LCP1: variants seen among roughly 807,000 people sequenced by gnomAD.
LCP1 encodes the protein plastin-2.
Under a neutral mutation model 72.0 loss-of-function variants are expected in LCP1, and 23 were observed. The ratio of observed to expected loss-of-function variants is 0.32; its 90% CI spans 0.23 to 0.45. The LOEUF is 0.45. Among genes scored for constraint, LCP1 ranks in the 20% least tolerant of loss-of-function variants. The pLI is 1.00. For missense variants in LCP1, 571 were observed against 748.3 expected (o/e 0.76, Z 2.76); for synonymous variants, 245 against 275.4 (o/e 0.89, Z 1.09).
chr13:46,179,355 C>T (rs190211889), intron 1 of LCP1, among the ~76,000 whole-genome samples: 77 of 152,056 alleles, frequency 5.1e-4, no homozygotes, highest in Non-Finnish European at 9.7e-4. Context: ...GTCTTTCATG[C>T]GTATGTAAGA....
At chr13:46,163,044 G>A (rs1399427766) in intron 1 of LCP1, among the ~76,000 whole-genome samples, 3 of 141,828 alleles carry the variant, frequency 2.1e-5, no homozygotes. Context: ...CAGCCGCCCC[G>A]TCCGGGAGGG....
At chr13:46,164,270 C>T (rs1376684676) in intron 1 of LCP1, among the ~76,000 whole-genome samples, 1 of 151,906 alleles carries the variant, frequency 6.6e-6, no homozygotes, top group Non-Finnish European at 1.5e-5. Flanking sequence ...AATGAAGAAA[C>T]AAAACAATTA....
At chr13:46,136,753 TA>T (rs917179557) in intron 13 of LCP1, among the ~76,000 whole-genome samples, 44 of 151,980 alleles carry the variant, frequency 2.9e-4, no homozygotes, top group South Asian at 1.7e-3. Context: ...ACATCTGAAT[TA>T]AAAAAAAGGT....
intron 1 of LCP1, among the ~76,000 whole-genome samples, chr13:46,160,140 T>C (rs1207994494): frequency 6.6e-6 from 1 of 152,232 alleles, no homozygotes; most frequent in Non-Finnish European, 1.5e-5. Flanking sequence ...GAAGGAGAAC[T>C]GGGTGCACTG....
chr13:46,138,782 G>A lies in LCP1; in HGVS notation c.1502+3510C>T, dbSNP rs567281574. ...CTGCCTCAGCCTCCTGAGTACCTGGGACTACAGGCACGCACCAGCATACCT... is the reference window on the plus strand; with the variant it reads ...CTGCCTCAGCCTCCTGAGTACCTGGAACTACAGGCACGCACCAGCATACCT... On this transcript the variant is annotated intron_variant, in intron 13 of 15. Coordinates refer to ENST00000323076, the MANE Select transcript of LCP1 (RefSeq NM_002298.5). Among the ~76,000 whole-genome samples, 4 of 152,214 alleles carry A rather than the reference G, an allele frequency of 2.6e-5. No homozygotes were observed. The East Asian group carries it at 7.7e-4, about 29-fold the overall frequency.
chr13:46,127,277 C>T lies in LCP1; in HGVS notation c.*314G>A, dbSNP rs1022431216. 6.8e-6 allele frequency: 2 copies of T among 294,580 alleles called. No individual in the cohort carries two copies. Among genetic ancestry groups the T allele is most frequent in the African/African-American group, 2.1e-5 (1 of 46,898 alleles). The allele number at this position is 294,580 out of a possible 1,614,324, so 18.2% of individuals were successfully genotyped here. On this transcript the variant is annotated 3_prime_UTR_variant, in exon 16 of 16. Coordinates refer to ENST00000323076, the MANE Select transcript of LCP1 (RefSeq NM_002298.5). ...GATTATATCAAAATTAATACCACTGCAGCTTCTATCCTTGGCTAATGGCAA... is the reference window on the plus strand; with the variant it reads ...GATTATATCAAAATTAATACCACTGTAGCTTCTATCCTTGGCTAATGGCAA...
chr13:46,162,582 G>A (rs896664997), intron 1 of LCP1, among the ~76,000 whole-genome samples: 1 of 152,090 alleles, frequency 6.6e-6, no homozygotes, highest in Non-Finnish European at 1.5e-5. Flanking sequence ...GATTGCAGGC[G>A]GAGTCTCGTT....
Position 46,127,818 on chromosome 13 carries a change from G to GGACA in LCP1, c.1752-99_1752-96dup, listed in dbSNP as rs2045608638. On this transcript the variant is annotated intron_variant, in intron 15 of 15. Coordinates refer to ENST00000323076, the MANE Select transcript of LCP1 (RefSeq NM_002298.5). Reference sequence around the variant, plus strand: ...CACAGTCACAGTCGTTCCATAGTCAGGACAGAACTCACTCCTGCAGTGGCT... The same window carrying GGACA: ...CACAGTCACAGTCGTTCCATAGTCAGGACAGACAGAACTCACTCCTGCAGTGGCT... 3 of 1,441,680 alleles carry GGACA rather than the reference G, an allele frequency of 2.1e-6. No individual in the cohort carries two copies. The Admixed American group carries it at 5.5e-5, about 26-fold the overall frequency. 89.3% of individuals were successfully genotyped at this position (1,441,680 alleles called of 1,614,324 possible).
intron 15 of LCP1, among the ~76,000 whole-genome samples, chr13:46,129,494 T>C (rs922512750): frequency 2.0e-5 from 3 of 152,186 alleles, no homozygotes; most frequent in African/African-American, 7.2e-5. Context: ...TGCTATTTGC[T>C]CTAAAGAGCT....
Position 46,128,129 on chromosome 13 carries a change from C to T in LCP1, c.1752-406G>A, listed in dbSNP as rs2045611079. Among the ~76,000 whole-genome samples the T allele has an allele frequency of 2.0e-5, 3 of 151,692 alleles. No homozygotes were observed. The South Asian group carries it at 6.2e-4, about 31-fold the overall frequency. On this transcript the variant is annotated intron_variant, in intron 15 of 15. Coordinates refer to ENST00000323076, the MANE Select transcript of LCP1 (RefSeq NM_002298.5). ...GCACTGGGATTACAGGTGTGAGCCA[C>T]TACAGCACGTGCTGCCACTTTTGAT...
chr13:46,150,882 C>A, intron 8 of LCP1, 54 bp downstream of exon 8: 1 of 1,564,156 alleles, frequency 6.4e-7, no homozygotes. Flanking sequence ...TTATTATTGC[C>A]CAAATTCCCC....
At position 46,171,482 on chromosome 13, in the gene LCP1, TAAG is replaced by T. The variant is rs1285129832; in HGVS notation, c.-25+10626_-25+10628del. Among the ~76,000 whole-genome samples the T allele has an allele frequency of 3.9e-5, 6 of 152,280 alleles. No individual in the cohort carries two copies. The East Asian group carries it at 1.2e-3, about 29-fold the overall frequency. On this transcript the variant is annotated intron_variant, in intron 1 of 15. Coordinates refer to ENST00000323076, the MANE Select transcript of LCP1 (RefSeq NM_002298.5). ...TTCTCAACATCTTTAAAGGAAGTAT[TAAG>T]AAGAGCAAGAACACAACCAGGCTTG...
At position 46,146,847 on chromosome 13, in the gene LCP1, T is replaced by C; in HGVS notation, c.1174+61A>G. The C allele has an allele frequency of 1.1e-5, 17 of 1,521,984 alleles. No homozygotes were observed. The South Asian group carries it at 1.8e-4, about 16-fold the overall frequency. 94.3% of individuals were successfully genotyped at this position (1,521,984 alleles called of 1,614,324 possible). On this transcript the variant is annotated intron_variant, in intron 10 of 15. Coordinates refer to ENST00000323076, the MANE Select transcript of LCP1 (RefSeq NM_002298.5). ...TATTTGCTTAGGAAGTGAGTTTGAA[T>C]TGCCATTGAATTAGAATTGTGAGTG...
Position 46,147,251 on chromosome 13 carries a change from T to C in LCP1, c.979-148A>G. On this transcript the variant is annotated intron_variant, in intron 9 of 15. Transcript: ENST00000323076. The stretch of plus-strand genomic sequence containing the variant: ...TAATAACAGCACATTATTGCCTATA[T>C]GCACCTGCACCAAAATCAGAAAGTC... 4.8e-6 allele frequency: 3 copies of C among 620,968 alleles called. No individual in the cohort carries two copies. In the South Asian group the frequency reaches 7.6e-5, roughly 16 times the overall value. 38.5% of individuals were successfully genotyped at this position (620,968 alleles called of 1,614,324 possible).
chr13:46,150,364 T>G (rs753555793), intron 8 of LCP1, among the ~76,000 whole-genome samples: 14 of 152,212 alleles, frequency 9.2e-5, no homozygotes, highest in Non-Finnish European at 1.6e-4. Context: ...AAAACCACAG[T>G]GTATTCCTGC....
chr13:46,148,709 T>C, intron 8 of LCP1: 1 of 539,362 alleles, frequency 1.9e-6, no homozygotes, highest in Non-Finnish European at 2.6e-6. Context: ...GTGGATATTA[T>C]TCTGTTGTCT....
chr13:46,179,825 G>T (rs936187831), intron 1 of LCP1, among the ~76,000 whole-genome samples: 1 of 152,070 alleles, frequency 6.6e-6, no homozygotes, highest in Non-Finnish European at 1.5e-5. Context: ...GTGGGTCGAG[G>T]CAAGTTTGTA....
At chr13:46,137,266 G>C (rs191691620) in intron 13 of LCP1, among the ~76,000 whole-genome samples, 5 of 151,932 alleles carry the variant, frequency 3.3e-5, no homozygotes, top group African/African-American at 7.2e-5. Flanking sequence ...GGCCGGGCAC[G>C]GTGGCTCATG....
At chr13:46,171,311 G>A (rs180685657) in intron 1 of LCP1, among the ~76,000 whole-genome samples, 27 of 152,174 alleles carry the variant, frequency 1.8e-4, no homozygotes, top group Non-Finnish European at 2.9e-4. Flanking sequence ...CCTGTATCTC[G>A]AGTTTCCCTG....
Sources: gnomAD v4.1 joint callset for allele counts (sites outside exome capture counted in the v4.1 genomes callset) on GRCh38, gnomAD v4.1.1 for gene constraint, MANE v1.5 for transcripts, NCBI Gene and HGNC (gene_info 2026-07-23, HGNC 2026-07-21) for gene names.